AUTS2: variants seen among roughly 807,000 people sequenced by gnomAD.
The protein encoded by AUTS2 is activator of transcription and developmental regulator AUTS2, also known as autism susceptibility gene 2 protein.
In AUTS2, 17 loss-of-function variants were observed where a neutral mutation model predicts 112.4. The ratio of observed to expected loss-of-function variants is 0.15; its 90% CI spans 0.10 to 0.23. The LOEUF (loss-of-function observed/expected upper bound fraction) is 0.23. Among genes scored for constraint, AUTS2 ranks in the 10% least tolerant of loss-of-function variants. AUTS2 has a pLI of 1.00. For synonymous variants in AUTS2, 751 were observed against 702.7 expected, an observed-to-expected ratio of 1.07 and a Z score of -1.09; for missense variants, 1,510 against 1,701.6, an observed-to-expected ratio of 0.89 and a Z score of 1.98.
chr7:69,612,841 T>C (rs1313456820), intron 1 of AUTS2, among the ~76,000 whole-genome samples: 1 of 152,206 alleles, frequency 6.6e-6, no homozygotes, highest in Non-Finnish European at 1.5e-5. Flanking sequence ...CTTCTGGGGA[T>C]ATTTGAGGCT....
chr7:70,360,743 G>A (rs1792223274), intron 4 of AUTS2, among the ~76,000 whole-genome samples: 1 of 152,148 alleles, frequency 6.6e-6, no homozygotes, highest in Non-Finnish European at 1.5e-5. Context: ...CAGGACCAGT[G>A]AGCTGCCATG....
intron 1 of AUTS2, among the ~76,000 whole-genome samples, chr7:69,889,878 A>G (rs1019179396): frequency 2.0e-5 from 3 of 152,100 alleles, no homozygotes; most frequent in Non-Finnish European, 4.4e-5. Context: ...GGCTGCCATT[A>G]CACTATCTTC....
At chr7:70,189,379 T>C (rs574653162) in intron 4 of AUTS2, among the ~76,000 whole-genome samples, 1 of 152,324 alleles carries the variant, frequency 6.6e-6, no homozygotes, top group East Asian at 1.9e-4. Context: ...ATAGTTTGAT[T>C]GCTGATTTCC....
intron 4 of AUTS2, among the ~76,000 whole-genome samples, chr7:70,243,867 G>T (rs1009934605): frequency 6.6e-6 from 1 of 151,910 alleles, no homozygotes; most frequent in African/African-American, 2.4e-5. Flanking sequence ...ATTAGACTGG[G>T]CCTGCCCTCT....
Position 70,789,967 on chromosome 7 carries a change from C to T in AUTS2, c.2751C>T (p.Pro917=), listed in dbSNP as rs200035761. The T allele has an allele frequency of 1.4e-4, 218 of 1,612,834 alleles. 2 individuals carry two copies. The highest frequency in any genetic ancestry group is 5.3e-5 in the Non-Finnish European group (62 of 1,179,658). The change falls in exon 19 of 19, where the codon CCC becomes CCT. Residue 917 remains proline, a synonymous_variant. Coordinates refer to ENST00000342771, the MANE Select transcript of AUTS2 (RefSeq NM_015570.4). ...DEHKAKEGHL[P]EKDGHGHEGR... The stretch of plus-strand genomic sequence containing the variant: ...ACAAGGCGAAAGAGGGCCACCTGCC[C>T]GAGAAGGACGGGCACGGCCACGAGG...
chr7:69,997,225 G>A (rs1383483077), intron 2 of AUTS2, among the ~76,000 whole-genome samples: 2 of 152,172 alleles, frequency 1.3e-5, no homozygotes, highest in Non-Finnish European at 2.9e-5. Flanking sequence ...GAGGCTTGGA[G>A]AAGTGTGAGG....
intron 5 of AUTS2, among the ~76,000 whole-genome samples, chr7:70,585,120 T>C (rs1802622481): frequency 1.3e-5 from 2 of 152,222 alleles, no homozygotes; most frequent in Non-Finnish European, 2.9e-5. Context: ...GAAAACCTGA[T>C]TAGCAGTAAG....
chr7:70,506,536 C>G (rs1798969170), intron 5 of AUTS2, among the ~76,000 whole-genome samples: 2 of 152,110 alleles, frequency 1.3e-5, no homozygotes, highest in Non-Finnish European at 2.9e-5. Context: ...GTGTTGCATC[C>G]CACTCTCCAC....
chr7:70,413,348 T>G (rs1274169013), intron 4 of AUTS2, among the ~76,000 whole-genome samples: 2 of 152,188 alleles, frequency 1.3e-5, no homozygotes, highest in Non-Finnish European at 1.5e-5. Context: ...AGTAAATGAT[T>G]GCTGAAGGGG....
Position 69,687,966 on chromosome 7 carries a change from G to A in AUTS2, c.309+88004G>A, listed in dbSNP as rs77807631. 1.1e-4 allele frequency among the ~76,000 whole-genome samples: 16 copies of A among 152,262 alleles called. No individual in the cohort carries two copies. In the East Asian group the frequency reaches 3.1e-3, roughly 29 times the overall value. ...GTCAAATTAAACGTTTTACTCTGAGGCTGTTTCTGAGTTATGCGAGCAGTA... is the reference window on the plus strand; with the variant it reads ...GTCAAATTAAACGTTTTACTCTGAGACTGTTTCTGAGTTATGCGAGCAGTA... On this transcript the variant is annotated intron_variant, in intron 1 of 18. Transcript: ENST00000342771.
At chr7:69,882,727 T>C (rs952522093) in intron 1 of AUTS2, among the ~76,000 whole-genome samples, 2 of 152,200 alleles carry the variant, frequency 1.3e-5, no homozygotes, top group African/African-American at 4.8e-5. Flanking sequence ...AAACTGAAGC[T>C]TCACAGGGTA....
intron 4 of AUTS2, among the ~76,000 whole-genome samples, chr7:70,388,581 G>A (rs1793714773): frequency 6.6e-6 from 1 of 152,144 alleles, no homozygotes; most frequent in African/African-American, 2.4e-5. Context: ...TAGCAAACCT[G>A]CCATCATCTT....
chr7:70,031,671 G>A (rs1388056849), intron 2 of AUTS2, among the ~76,000 whole-genome samples: 6 of 152,242 alleles, frequency 3.9e-5, no homozygotes, highest in Non-Finnish European at 4.4e-5. Flanking sequence ...AGATTGATCA[G>A]GGGCCCTAGA....
intron 2 of AUTS2, among the ~76,000 whole-genome samples, chr7:70,045,667 G>C (rs1323161220): frequency 2.6e-5 from 4 of 151,590 alleles, no homozygotes; most frequent in African/African-American, 7.3e-5. Flanking sequence ...AGAGTGCAGT[G>C]GTGCAATCTC....
intron 4 of AUTS2, among the ~76,000 whole-genome samples, chr7:70,161,584 G>A (rs533167664): frequency 2.7e-5 from 4 of 148,578 alleles, no homozygotes; most frequent in East Asian, 2.0e-4. Flanking sequence ...CAACTAGATC[G>A]GTTAACCTTA....
intron 1 of AUTS2, among the ~76,000 whole-genome samples, chr7:69,658,249 A>G (rs1200316871): frequency 6.6e-6 from 1 of 152,270 alleles, no homozygotes. Flanking sequence ...GGCACTTCAC[A>G]GAAGTAGTTT....
At chr7:69,740,446 C>T (rs921125791) in intron 1 of AUTS2, among the ~76,000 whole-genome samples, 5 of 151,976 alleles carry the variant, frequency 3.3e-5, no homozygotes, top group South Asian at 2.1e-4. Flanking sequence ...AAATCTTAGG[C>T]AAGTGAAAGA....
intron 2 of AUTS2, among the ~76,000 whole-genome samples, chr7:69,904,851 A>G (rs1243941222): frequency 6.6e-6 from 1 of 152,236 alleles, no homozygotes; most frequent in Non-Finnish European, 1.5e-5. Flanking sequence ...GATGGAGGGA[A>G]TAAAAGATTG....
intron 2 of AUTS2, among the ~76,000 whole-genome samples, chr7:69,993,417 A>G (rs1328498146): frequency 6.6e-6 from 1 of 152,176 alleles, no homozygotes; most frequent in Non-Finnish European, 1.5e-5. Context: ...AAGAGTGAAT[A>G]AAAGGGCTGA....
Sources: gnomAD v4.1 joint callset for allele counts (sites outside exome capture counted in the v4.1 genomes callset) on GRCh38, gnomAD v4.1.1 for gene constraint, MANE v1.5 for transcripts, NCBI Gene and HGNC (gene_info 2026-07-23, HGNC 2026-07-21) for gene names.